CLVS1: variants seen among roughly 807,000 people sequenced by gnomAD.
CLVS1 encodes clavesin-1.
In CLVS1, 10 loss-of-function variants were observed where a neutral mutation model predicts 33.1. The ratio of observed to expected loss-of-function variants is 0.30; its 90% CI spans 0.19 to 0.51. The LOEUF (loss-of-function observed/expected upper bound fraction) is 0.51, where lower values mean the gene tolerates loss of function less well. CLVS1 is among the 20% of genes least tolerant of loss of function. CLVS1 has a pLI of 0.97. For missense variants in CLVS1, 343 were observed against 433.4 expected, an observed-to-expected ratio of 0.79 and a Z score of 1.85; for synonymous variants, 163 against 166.1, an observed-to-expected ratio of 0.98 and a Z score of 0.14.
intron 2 of CLVS1, among the ~76,000 whole-genome samples, chr8:61,314,673 T>C (rs1242072513): frequency 6.6e-6 from 1 of 152,222 alleles, no homozygotes; most frequent in East Asian, 1.9e-4. Flanking sequence ...CCAACCATCC[T>C]GATGAAGATT....
In CLVS1 at chr8:61,305,303, TTC is replaced by T. The variant is rs151108288; in HGVS notation, c.455+5023_455+5024del. On this transcript the variant is annotated intron_variant, in intron 2 of 5. Transcript: ENST00000325897. ...TTCAGTGGCAGTACCTACGTTTATA[TTC>T]TTTGTTCCCCCTTCATCCTCCCTTC... Among the ~76,000 whole-genome samples the T allele has an allele frequency of 6.1e-3, 928 of 152,192 alleles. 6 individuals are homozygous for T. Among genetic ancestry groups the T allele is most frequent in the African/African-American group, 0.021 (863 of 41,526 alleles).
chr8:61,272,283 GT>G (rs1809457638), intron 2 of CLVS1, among the ~76,000 whole-genome samples: 1 of 152,060 alleles, frequency 6.6e-6, no homozygotes, highest in Non-Finnish European at 1.5e-5. Flanking sequence ...GAAATTCTGG[GT>G]TGAAAATTCT....
chr8:61,442,709 C>T (rs1816603678), intron 3 of CLVS1, among the ~76,000 whole-genome samples: 1 of 152,178 alleles, frequency 6.6e-6, no homozygotes, highest in Non-Finnish European at 1.5e-5. Context: ...AAGTGATTCT[C>T]CTGCCTCAGC....
At chr8:61,433,154 A>T (rs143282151) in intron 3 of CLVS1, among the ~76,000 whole-genome samples, 1 of 152,214 alleles carries the variant, frequency 6.6e-6, no homozygotes, top group African/African-American at 2.4e-5. Context: ...GTGTTTCACC[A>T]TGTTGCCCAG....
intron 2 of CLVS1, among the ~76,000 whole-genome samples, chr8:61,280,669 G>A (rs1809651946): frequency 6.6e-6 from 1 of 152,158 alleles, no homozygotes; most frequent in Non-Finnish European, 1.5e-5. Flanking sequence ...GTGGGCCTTT[G>A]CCTTATTCAT....
intron 5 of CLVS1, among the ~76,000 whole-genome samples, chr8:61,498,795 G>A (rs1804378861): frequency 6.6e-6 from 1 of 152,174 alleles, no homozygotes; most frequent in African/African-American, 2.4e-5. Flanking sequence ...AGAGAATCAA[G>A]GTCCAGAGAG....
chr8:61,192,023 C>T lies in CLVS1; in HGVS notation c.-152+60163C>T, dbSNP rs547444593. 7.2e-5 allele frequency among the ~76,000 whole-genome samples: 11 copies of T among 152,292 alleles called. No individual in the cohort carries two copies. The South Asian group carries it at 2.3e-3, about 32-fold the overall frequency. On this transcript the variant is annotated intron_variant, in intron 2 of 2. Transcript: ENST00000522621. ...ACTTTCTTCACAGAATTGGAAAAAT[C>T]TACTTTAAAGTTCATATGGAACCAA...
At chr8:61,121,843 G>A (rs188619474) in intron 1 of CLVS1, among the ~76,000 whole-genome samples, 89 of 152,270 alleles carry the variant, frequency 5.8e-4, no homozygotes, top group Admixed American at 1.9e-3. Flanking sequence ...AGAAATTCTC[G>A]AAAGAGTCCT....
chr8:61,005,107 T>C, the CLVS1 span, among the ~76,000 whole-genome samples: 4 of 152,172 alleles, frequency 2.6e-5, no homozygotes, highest in Non-Finnish European at 4.4e-5. Context: ...AACTGCCCGA[T>C]AGGGGCATCT....
intron 2 of CLVS1, among the ~76,000 whole-genome samples, chr8:61,159,912 G>A (rs368891118): frequency 6.6e-6 from 1 of 152,210 alleles, no homozygotes; most frequent in Non-Finnish European, 1.5e-5. Flanking sequence ...GAATCACCTT[G>A]ATTTTCCTGT....
At chr8:61,324,851 G>A (rs1811321486) in intron 2 of CLVS1, among the ~76,000 whole-genome samples, 1 of 152,076 alleles carries the variant, frequency 6.6e-6, no homozygotes, top group Admixed American at 6.6e-5. Context: ...CAGTGTACAA[G>A]CAGAGAACAG....
intron 2 of CLVS1, among the ~76,000 whole-genome samples, chr8:61,322,167 G>A (rs569826795): frequency 6.6e-6 from 1 of 152,186 alleles, no homozygotes; most frequent in South Asian, 2.1e-4. Context: ...ATATGTATTG[G>A]ATGAATGACT....
chr8:61,078,225 G>A (rs1804961413), intron 1 of CLVS1, among the ~76,000 whole-genome samples: 1 of 152,244 alleles, frequency 6.6e-6, no homozygotes, highest in African/African-American at 2.4e-5. Flanking sequence ...TCTGCATTCT[G>A]CAGTGTGATT....
intron 1 of CLVS1, among the ~76,000 whole-genome samples, chr8:61,060,601 G>A (rs1804565134): frequency 6.6e-6 from 1 of 152,128 alleles, no homozygotes; most frequent in Non-Finnish European, 1.5e-5. Context: ...CAATGTCTAA[G>A]TGCCCACAGC....
intron 2 of CLVS1, among the ~76,000 whole-genome samples, chr8:61,143,568 AAG>A (rs1187334227): frequency 2.6e-5 from 4 of 151,838 alleles, no homozygotes; most frequent in Non-Finnish European, 5.9e-5. Flanking sequence ...GACTCCCATA[AAG>A]AGAGTCTCCC....
rs958825972 is a variant in CLVS1, at chr8:61,249,359, T to C, written c.-151-50318T>C. 5.3e-5 allele frequency among the ~76,000 whole-genome samples: 8 copies of C among 152,362 alleles called. No individual in the cohort carries two copies. In the South Asian group the frequency reaches 1.4e-3, roughly 28 times the overall value. ...GGTTGGTTCCAAGTCTTTGCTATTG[T>C]GAATAGTGCTGCAATAAACATACAC... On this transcript the variant is annotated intron_variant, in intron 2 of 2. Coordinates refer to the CLVS1 transcript ENST00000522621.
the CLVS1 span, among the ~76,000 whole-genome samples, chr8:61,027,926 G>A: frequency 2.2e-4 from 33 of 151,998 alleles, no homozygotes; most frequent in Admixed American, 1.4e-3. Context: ...TTGGTGAATC[G>A]ACCACTCTGT....
intron 1 of CLVS1, among the ~76,000 whole-genome samples, chr8:61,083,057 C>T (rs1192654078): frequency 6.6e-6 from 1 of 151,976 alleles, no homozygotes; most frequent in Non-Finnish European, 1.5e-5. Flanking sequence ...TGTCACCAGT[C>T]AACCTATGTT....
intron 1 of CLVS1, among the ~76,000 whole-genome samples, chr8:61,128,543 T>C (rs7836227): frequency 0.19 from 28,424 of 152,196 alleles, 2,748 homozygotes; most frequent in Admixed American, 0.3. Flanking sequence ...TGATAAGTCA[T>C]GTAACATGGC....
Sources: allele counts gnomAD v4.1 joint callset (sites outside exome capture counted in the v4.1 genomes callset), GRCh38; gene constraint gnomAD v4.1.1; transcripts MANE v1.5; gene names NCBI Gene and HGNC (gene_info 2026-07-23, HGNC 2026-07-21).